Variants in VCF1 observed in about 807,000 individuals in gnomAD.
VCF1 encodes the protein VCP nuclear cofactor family member 1, also known as protein VCF1.
the VCF1 span, among the ~76,000 whole-genome samples, chr17:73,225,551 CAG>C: frequency 6.6e-6 from 1 of 151,668 alleles, no homozygotes; most frequent in Non-Finnish European, 1.5e-5. Flanking sequence ...AACGTTAATA[CAG>C]AGAGTTAGAC....
the VCF1 span, among the ~76,000 whole-genome samples, chr17:73,222,279 G>A: frequency 1.3e-5 from 2 of 150,982 alleles, no homozygotes; most frequent in South Asian, 2.1e-4. Context: ...TTAAGTCCAA[G>A]TTACTGGAGT....
the VCF1 span, among the ~76,000 whole-genome samples, chr17:73,214,213 AC>A: frequency 1.3e-5 from 2 of 151,962 alleles, no homozygotes; most frequent in Admixed American, 6.6e-5. Context: ...CAGTTTTCTC[AC>A]TACTGTGGAG....
the VCF1 span, among the ~76,000 whole-genome samples, chr17:73,226,389 C>T: frequency 6.6e-6 from 1 of 152,198 alleles, no homozygotes; most frequent in Non-Finnish European, 1.5e-5. Flanking sequence ...ATCCTATTAT[C>T]AGGAACTAAT....
chr17:73,213,504 C>T, the VCF1 span, among the ~76,000 whole-genome samples: 7 of 152,132 alleles, frequency 4.6e-5, no homozygotes, highest in Admixed American at 4.6e-4. Flanking sequence ...ATGTTTTTCT[C>T]AAGTGTATTC....
the VCF1 span, among the ~76,000 whole-genome samples, chr17:73,216,917 C>T: frequency 6.6e-6 from 1 of 152,200 alleles, no homozygotes; most frequent in African/African-American, 2.4e-5. Context: ...ACCATTTCTA[C>T]TAATAACCTT....
the VCF1 span, among the ~76,000 whole-genome samples, chr17:73,225,882 A>ATATATATATATATATATAT: frequency 5.4e-5 from 4 of 74,692 alleles, no homozygotes; most frequent in Admixed American, 1.8e-4. Context: ...ATATATATAT[A>ATATATATATATATATATAT]ATATATATAT....
the VCF1 span, among the ~76,000 whole-genome samples, chr17:73,211,789 G>A: frequency 1.8e-3 from 280 of 152,254 alleles, 1 homozygote; most frequent in African/African-American, 6.5e-3. Context: ...GAACCCGGGA[G>A]GTGAAGGTTG....
At chr17:73,221,792 T>C in the VCF1 span, among the ~76,000 whole-genome samples, 1 of 152,004 alleles carries the variant, frequency 6.6e-6, no homozygotes, top group East Asian at 1.9e-4. Context: ...TCCCAGCACT[T>C]TGGGAGGCCG....
the VCF1 span, among the ~76,000 whole-genome samples, chr17:73,210,289 A>G: frequency 6.6e-6 from 1 of 152,184 alleles, no homozygotes. Context: ...CTGTAACTGC[A>G]GGACACAGAC....
the VCF1 span, among the ~76,000 whole-genome samples, chr17:73,225,882 A>ATAT: frequency 1.0e-3 from 78 of 74,684 alleles, no homozygotes; most frequent in African/African-American, 2.0e-3. Flanking sequence ...ATATATATAT[A>ATAT]ATATATATAT....
the VCF1 span, among the ~76,000 whole-genome samples, chr17:73,221,332 T>C: frequency 6.6e-6 from 1 of 151,632 alleles, no homozygotes; most frequent in African/African-American, 2.4e-5. Context: ...TAGTGTAATT[T>C]GTAGATAAAG....
the VCF1 span, among the ~76,000 whole-genome samples, chr17:73,224,835 C>CACAGGACAGGACAGGACAGG: frequency 1.5e-5 from 2 of 130,972 alleles, no homozygotes; most frequent in East Asian, 4.7e-4. Context: ...CACAGCACAG[C>CACAGGACAGGACAGGACAGG]ACAGCACAGG....
the VCF1 span, chr17:73,232,369 A>C: frequency 1.7e-5 from 25 of 1,457,230 alleles, no homozygotes; most frequent in African/African-American, 3.3e-4. Context: ...AACCGCACCG[A>C]CTGGTAACCC....
chr17:73,218,768 C>A, the VCF1 span, among the ~76,000 whole-genome samples: 73,509 of 151,280 alleles, frequency 0.49, 18,070 homozygotes, highest in East Asian at 0.6. Context: ...GCCTGTAATC[C>A]CACCACTTTG....
the VCF1 span, among the ~76,000 whole-genome samples, chr17:73,224,990 C>CACAGCACAGCACAGG: frequency 1.7e-4 from 16 of 92,294 alleles, no homozygotes; most frequent in East Asian, 1.1e-3. Flanking sequence ...CACAGCACAG[C>CACAGCACAGCACAGG]ACAGGACAGG....
chr17:73,227,627 C>G, the VCF1 span: 4 of 988,768 alleles, frequency 4.0e-6, no homozygotes, highest in Non-Finnish European at 4.8e-6. Flanking sequence ...AATTAGGATT[C>G]CGAGTTACCT....
At chr17:73,223,646 T>TA in the VCF1 span, among the ~76,000 whole-genome samples, 8 of 150,844 alleles carry the variant, frequency 5.3e-5, no homozygotes, top group African/African-American at 1.7e-4. Context: ...CTCTTAGAAT[T>TA]AAAAAAAAAA....
the VCF1 span, among the ~76,000 whole-genome samples, chr17:73,231,928 CT>C: frequency 6.6e-6 from 1 of 152,140 alleles, no homozygotes; most frequent in Non-Finnish European, 1.5e-5. Context: ...CATCCGATCA[CT>C]CGCGCATCCC....
At chr17:73,209,514 G>C in the VCF1 span, 1 of 1,572,420 alleles carries the variant, frequency 6.4e-7, no homozygotes, top group Non-Finnish European at 8.6e-7. Flanking sequence ...CAGAAGGCAA[G>C]AAACTGCCGG....
Sources: gnomAD v4.1 joint callset for allele counts (sites outside exome capture counted in the v4.1 genomes callset) on GRCh38, gnomAD v4.1.1 for gene constraint, MANE v1.5 for transcripts, NCBI Gene and HGNC (gene_info 2026-07-23, HGNC 2026-07-21) for gene names.